Variants in NRG3 observed in about 807,000 individuals in gnomAD.
The protein encoded by NRG3 is neuregulin 3.
In NRG3, 31 loss-of-function variants were observed where a neutral mutation model predicts 66.9. The observed-to-expected ratio is 0.46, with a 90% CI of 0.35 to 0.63. NRG3 has a LOEUF of 0.63. NRG3 is among the 20% of genes least tolerant of loss of function. NRG3 has a pLI of 0.00. For missense variants in NRG3, 910 were observed against 878.9 expected (o/e 1.04, Z -0.45); for synonymous variants, 393 against 359.4 (o/e 1.09, Z -1.06).
intron 3 of NRG3, among the ~76,000 whole-genome samples, chr10:82,753,832 A>C (rs1591415318): frequency 6.6e-6 from 1 of 151,618 alleles, no homozygotes; most frequent in African/African-American, 2.4e-5. Context: ...ATGTAATCCT[A>C]GTTCTTTGGG....
At chr10:82,162,822 G>A (rs1210530036) in intron 1 of NRG3, among the ~76,000 whole-genome samples, 1 of 152,154 alleles carries the variant, frequency 6.6e-6, no homozygotes, top group Non-Finnish European at 1.5e-5. Flanking sequence ...CTCCCTTCAT[G>A]ACTCAGTTAT....
At chr10:82,489,488 G>T (rs1255019107) in intron 2 of NRG3, among the ~76,000 whole-genome samples, 1 of 152,142 alleles carries the variant, frequency 6.6e-6, no homozygotes, top group East Asian at 1.9e-4. Flanking sequence ...GGTAGGCAAA[G>T]GCTGAGGCAG....
intron 1 of NRG3, among the ~76,000 whole-genome samples, chr10:82,331,321 G>A (rs981050284): frequency 2.6e-5 from 4 of 152,180 alleles, no homozygotes; most frequent in Admixed American, 6.5e-5. Flanking sequence ...TTCCATGCAA[G>A]TGCTATTTTT....
chr10:82,633,552 A>G, intron 2 of NRG3, among the ~76,000 whole-genome samples: 1 of 152,192 alleles, frequency 6.6e-6, no homozygotes, highest in South Asian at 2.1e-4. Context: ...CAGATGCCCC[A>G]GATAGATATA....
intron 1 of NRG3, among the ~76,000 whole-genome samples, chr10:81,933,071 G>A (rs1847530829): frequency 7.0e-6 from 1 of 143,196 alleles, no homozygotes. Context: ...TCGTGCCACT[G>A]CACTCCAGCC....
intron 1 of NRG3, among the ~76,000 whole-genome samples, chr10:82,184,565 T>C (rs2073673783): frequency 6.6e-6 from 1 of 152,164 alleles, no homozygotes; most frequent in Non-Finnish European, 1.5e-5. Context: ...TAATACTTTC[T>C]ATATGTAAAA....
chr10:82,405,033 C>A (rs1042940156), intron 2 of NRG3, among the ~76,000 whole-genome samples: 36 of 152,046 alleles, frequency 2.4e-4, no homozygotes, highest in Non-Finnish European at 1.5e-4. Context: ...AGAGAATGAT[C>A]CACAATTTCT....
intron 1 of NRG3, among the ~76,000 whole-genome samples, chr10:82,185,619 G>A (rs1043045136): frequency 2.6e-5 from 4 of 152,276 alleles, no homozygotes; most frequent in East Asian, 1.9e-4. Flanking sequence ...ATACACACAT[G>A]CATGATACTT....
At chr10:82,612,053 G>T (rs936990418) in intron 2 of NRG3, among the ~76,000 whole-genome samples, 3 of 152,112 alleles carry the variant, frequency 2.0e-5, no homozygotes, top group African/African-American at 7.2e-5. Flanking sequence ...TCTGTTGGCT[G>T]CATAAATGTC....
At chr10:82,707,294 A>AT (rs895424887) in intron 2 of NRG3, among the ~76,000 whole-genome samples, 1 of 140,196 alleles carries the variant, frequency 7.1e-6, no homozygotes, top group Non-Finnish European at 1.6e-5. Context: ...TGGTTTTGAG[A>AT]TTTTTCTCAT....
intron 1 of NRG3, among the ~76,000 whole-genome samples, chr10:81,887,446 A>G (rs1842700668): frequency 6.6e-6 from 1 of 152,182 alleles, no homozygotes; most frequent in Admixed American, 6.6e-5. Context: ...TATCTGATCT[A>G]TTCCAAGGAT....
intron 4 of NRG3, among the ~76,000 whole-genome samples, chr10:82,924,678 A>C (rs764834461): frequency 7.2e-5 from 11 of 152,036 alleles, no homozygotes; most frequent in Non-Finnish European, 1.2e-4. Flanking sequence ...TGGTAGTGTA[A>C]TTAAGATTTT....
intron 2 of NRG3, among the ~76,000 whole-genome samples, chr10:82,620,396 C>T (rs998463271): frequency 3.3e-5 from 5 of 152,188 alleles, no homozygotes; most frequent in South Asian, 2.1e-4. Context: ...AAATGGCTCT[C>T]GGCAGAGAGG....
At chr10:82,895,997 AG>A (rs1192619431) in intron 4 of NRG3, among the ~76,000 whole-genome samples, 9 of 152,204 alleles carry the variant, frequency 5.9e-5, no homozygotes, top group African/African-American at 2.2e-4. Flanking sequence ...GAGACATGGA[AG>A]TGCCTCTGTG....
chr10:82,107,431 C>T (rs1015792261), intron 1 of NRG3, among the ~76,000 whole-genome samples: 22 of 152,042 alleles, frequency 1.4e-4, no homozygotes, highest in Non-Finnish European at 2.9e-4. Context: ...CCAACTTTTG[C>T]GTAAATAGCA....
chr10:82,340,127 G>A (rs1178999126), intron 1 of NRG3, among the ~76,000 whole-genome samples: 1 of 152,128 alleles, frequency 6.6e-6, no homozygotes, highest in Non-Finnish European at 1.5e-5. Flanking sequence ...GAATATGGGG[G>A]TGGTGGTTGG....
At chr10:81,916,725 C>T (rs527697024) in intron 1 of NRG3, among the ~76,000 whole-genome samples, 1 of 152,246 alleles carries the variant, frequency 6.6e-6, no homozygotes, top group South Asian at 2.1e-4. Flanking sequence ...AATTACAGGC[C>T]TTGATTTGTA....
At chr10:81,885,474 AT>A (rs1031437830) in intron 1 of NRG3, among the ~76,000 whole-genome samples, 2 of 152,194 alleles carry the variant, frequency 1.3e-5, no homozygotes, top group East Asian at 1.9e-4. Context: ...GAAGGGGAAC[AT>A]TGGTGAGACC....
chr10:82,241,229 T>C (rs12572464), intron 1 of NRG3, among the ~76,000 whole-genome samples: 20,778 of 152,102 alleles, frequency 0.14, 1,502 homozygotes, highest in African/African-American at 0.15. Context: ...TAAAAGATAA[T>C]TTCTTTGTCA....
Sources: gnomAD v4.1 joint callset for allele counts (sites outside exome capture counted in the v4.1 genomes callset) on GRCh38, gnomAD v4.1.1 for gene constraint, MANE v1.5 for transcripts, NCBI Gene and HGNC (gene_info 2026-07-23, HGNC 2026-07-21) for gene names.